The following ARHGAP24 variants were observed in gnomAD, a reference collection of about 807,000 sequenced individuals.
ARHGAP24 encodes rho GTPase-activating protein 24.
Under a neutral mutation model 76.4 loss-of-function variants are expected in ARHGAP24, and 50 were observed. The observed-to-expected ratio is 0.65, with a 90% confidence interval of 0.52 to 0.83. The LOEUF is 0.83. ARHGAP24 is among the 40% of genes least tolerant of loss of function. The pLI, the probability that ARHGAP24 is intolerant of heterozygous loss-of-function variation, is 0.00. For synonymous variants in ARHGAP24, 345 were observed against 323.3 expected, an observed-to-expected ratio of 1.07 and a Z score of -0.72; for missense variants, 930 against 914.2, an observed-to-expected ratio of 1.02 and a Z score of -0.22.
At chr4:85,475,862 T>C (rs1313670692) in intron 1 of ARHGAP24, among the ~76,000 whole-genome samples, 1 of 151,942 alleles carries the variant, frequency 6.6e-6, no homozygotes, top group Non-Finnish European at 1.5e-5. Context: ...TAAAAATAGA[T>C]GGAATTAATA....
At chr4:85,876,678 T>G (rs767381185) in intron 3 of ARHGAP24, among the ~76,000 whole-genome samples, 1 of 152,190 alleles carries the variant, frequency 6.6e-6, no homozygotes, top group Non-Finnish European at 1.5e-5. Context: ...AAAATCAAGA[T>G]ATGATATTTT....
At chr4:85,497,562 C>T (rs1723627818) in intron 1 of ARHGAP24, among the ~76,000 whole-genome samples, 1 of 151,834 alleles carries the variant, frequency 6.6e-6, no homozygotes, top group African/African-American at 2.4e-5. Context: ...TGGCTCATGC[C>T]TGTAATTCCA....
chr4:85,943,589 T>G (rs1047839956), intron 5 of ARHGAP24, among the ~76,000 whole-genome samples: 7 of 152,248 alleles, frequency 4.6e-5, no homozygotes, highest in Admixed American at 4.6e-4. Flanking sequence ...TAGGTATTTC[T>G]CCTAATGTTA....
At chr4:85,778,727 G>A (rs911857047) in intron 3 of ARHGAP24, 76 of 985,188 alleles carry the variant, frequency 7.7e-5, no homozygotes, top group Admixed American at 1.8e-4. Context: ...TACTGACTAA[G>A]TCTGAGAAGG....
At chr4:85,715,426 T>C (rs1724695206) in intron 2 of ARHGAP24, among the ~76,000 whole-genome samples, 1 of 152,098 alleles carries the variant, frequency 6.6e-6, no homozygotes, top group Admixed American at 6.6e-5. Flanking sequence ...TAATAAATAC[T>C]GTGTACCAGG....
intron 2 of ARHGAP24, among the ~76,000 whole-genome samples, chr4:85,617,483 T>C (rs1247914530): frequency 6.6e-6 from 1 of 152,010 alleles, no homozygotes; most frequent in Non-Finnish European, 1.5e-5. Flanking sequence ...ACACTATATA[T>C]TTCATTCTTT....
chr4:85,979,346 A>T (rs1336735795), intron 8 of ARHGAP24, among the ~76,000 whole-genome samples: 2 of 152,176 alleles, frequency 1.3e-5, no homozygotes, highest in Non-Finnish European at 1.5e-5. Context: ...CATGAAATGT[A>T]TCATCTTAAC....
chr4:85,860,303 A>C (rs986146903), intron 3 of ARHGAP24, among the ~76,000 whole-genome samples: 1 of 152,088 alleles, frequency 6.6e-6, no homozygotes, highest in Non-Finnish European at 1.5e-5. Flanking sequence ...ACGAGGGCTC[A>C]CTCATATATG....
chr4:85,758,077 A>G (rs1337838314), intron 3 of ARHGAP24, among the ~76,000 whole-genome samples: 1 of 152,170 alleles, frequency 6.6e-6, no homozygotes. Flanking sequence ...AAAAAGCCTA[A>G]TGGTTTTAAA....
intron 3 of ARHGAP24, among the ~76,000 whole-genome samples, chr4:85,729,501 G>A (rs1384115045): frequency 2.6e-5 from 4 of 152,122 alleles, no homozygotes; most frequent in African/African-American, 4.8e-5. Flanking sequence ...GGGCATTTAC[G>A]AACTGATGGA....
At chr4:85,683,125 G>GGGGGGGGGGGGGGGGGGGT in intron 2 of ARHGAP24, among the ~76,000 whole-genome samples, 1 of 107,758 alleles carries the variant, frequency 9.3e-6, no homozygotes, top group South Asian at 4.6e-4. Flanking sequence ...GGTGGGGGGG[G>GGGGGGGGGGGGGGGGGGGT]GGTGCGGGGG....
chr4:85,898,024 C>A (rs1271814925), intron 3 of ARHGAP24, among the ~76,000 whole-genome samples: 1 of 85,012 alleles, frequency 1.2e-5, no homozygotes. Context: ...TATACACACA[C>A]ATATATGTGT....
chr4:85,731,080 T>C (rs1198081415), intron 3 of ARHGAP24, among the ~76,000 whole-genome samples: 1 of 151,966 alleles, frequency 6.6e-6, no homozygotes, highest in Non-Finnish European at 1.5e-5. Context: ...TATGTATATG[T>C]GTATGTATGC....
intron 3 of ARHGAP24, among the ~76,000 whole-genome samples, chr4:85,876,474 T>A (rs1732943579): frequency 6.6e-6 from 1 of 152,060 alleles, no homozygotes; most frequent in South Asian, 2.1e-4. Context: ...AGCTCAAAGC[T>A]CAAATACAAC....
At chr4:85,622,536 G>T (rs1331670112) in intron 2 of ARHGAP24, among the ~76,000 whole-genome samples, 2 of 152,054 alleles carry the variant, frequency 1.3e-5, no homozygotes, top group Admixed American at 1.3e-4. Flanking sequence ...TTGCTATTGT[G>T]AATAGTGCTG....
chr4:85,599,348 G>T (rs774419144), intron 2 of ARHGAP24, among the ~76,000 whole-genome samples: 20 of 152,182 alleles, frequency 1.3e-4, no homozygotes, highest in Non-Finnish European at 2.5e-4. Context: ...GATGGAAACA[G>T]AGCTCAGTTC....
rs112114449 is a variant in ARHGAP24, at chr4:85,670,023, G to A, written c.181-51862G>A. ...GGAGGAGGAGAGAGGGGTGTGAGCT[G>A]TGGAAAGGAATTTTTATTCAGTTGG... On this transcript the variant is annotated intron_variant, in intron 2 of 9. Transcript: ENST00000395184. Among the ~76,000 whole-genome samples, 1,212 of 152,064 alleles carry A rather than the reference G, an allele frequency of 8.0e-3. 16 individuals are homozygous for A. Among genetic ancestry groups the A allele is most frequent in the African/African-American group, 0.028 (1,156 of 41,452 alleles).
chr4:85,871,550 A>G (rs922621646), intron 3 of ARHGAP24, among the ~76,000 whole-genome samples: 1 of 152,210 alleles, frequency 6.6e-6, no homozygotes, highest in Non-Finnish European at 1.5e-5. Context: ...AGCTAAATGT[A>G]TACCCAATAC....
At chr4:85,980,198 C>T (rs1739572710) in intron 8 of ARHGAP24, among the ~76,000 whole-genome samples, 1 of 152,112 alleles carries the variant, frequency 6.6e-6, no homozygotes, top group Non-Finnish European at 1.5e-5. Flanking sequence ...TGTTTCTAGT[C>T]TTTTTAGTGG....
Sources: gnomAD v4.1 joint callset for allele counts (sites outside exome capture counted in the v4.1 genomes callset) on GRCh38, gnomAD v4.1.1 for gene constraint, MANE v1.5 for transcripts, NCBI Gene and HGNC (gene_info 2026-07-23, HGNC 2026-07-21) for gene names.